The following CNTNAP4 variants were observed in gnomAD, a reference collection of about 807,000 sequenced individuals.
CNTNAP4 encodes contactin associated protein family member 4.
A neutral mutation model predicts 148.4 loss-of-function variants in CNTNAP4; 98 were observed. That is an observed-to-expected ratio of 0.66 (90% confidence interval 0.56 to 0.78). The LOEUF (loss-of-function observed/expected upper bound fraction) is 0.78. Ranked by LOEUF, CNTNAP4 falls within the 30% of genes least tolerant of loss-of-function variation. The probability of loss-of-function intolerance (pLI) is 0.00; values close to 1 mark genes in which losing one functional copy is unlikely to be tolerated. For synonymous variants in CNTNAP4, 730 were observed against 565.1 expected (o/e 1.29, Z -4.14); for missense variants, 1,935 against 1,565.6 (o/e 1.24, Z -3.98).
At chr16:76,554,829 C>G (rs1051480916) in intron 23 of CNTNAP4, among the ~76,000 whole-genome samples, 2 of 151,962 alleles carry the variant, frequency 1.3e-5, no homozygotes, top group Non-Finnish European at 2.9e-5. Flanking sequence ...ACAAACCCAG[C>G]TTGTCCATGG....
intron 12 of CNTNAP4, among the ~76,000 whole-genome samples, chr16:76,487,368 A>G (rs1446159416): frequency 6.6e-6 from 1 of 152,206 alleles, no homozygotes; most frequent in Non-Finnish European, 1.5e-5. Flanking sequence ...AACTATTGCT[A>G]TTCTCATAGA....
intron 2 of CNTNAP4, among the ~76,000 whole-genome samples, chr16:76,325,192 A>G (rs1237819749): frequency 6.6e-6 from 1 of 152,228 alleles, no homozygotes; most frequent in Non-Finnish European, 1.5e-5. Flanking sequence ...TTGTTAATGT[A>G]TATCATTCTG....
intron 17 of CNTNAP4, among the ~76,000 whole-genome samples, chr16:76,532,326 G>A (rs1027475108): frequency 2.0e-5 from 3 of 152,168 alleles, no homozygotes; most frequent in Admixed American, 2.0e-4. Flanking sequence ...CTAACGAAAT[G>A]TGTTTATTCT....
chr16:76,300,287 T>A (rs975932446), intron 1 of CNTNAP4, among the ~76,000 whole-genome samples: 4 of 152,100 alleles, frequency 2.6e-5, no homozygotes, highest in Non-Finnish European at 4.4e-5. Context: ...CCACATCATG[T>A]CCACATAGCA....
chr16:76,462,121 A>G lies in CNTNAP4; in HGVS notation c.1483+16A>G. On this transcript the variant is annotated intron_variant, in intron 9 of 23. Coordinates refer to ENST00000611870, the MANE Select transcript of CNTNAP4 (RefSeq NM_033401.5). ...TATTTTGGAGGTAAGAATAGGTGCC[A>G]GGCTCTATGAGCAACTGAACCATAT... 1 of 1,605,866 alleles carries G rather than the reference A, an allele frequency of 6.2e-7. No homozygotes were observed. Among genetic ancestry groups the G allele is most frequent in the East Asian group, 2.2e-5 (1 of 44,658 alleles).
chr16:76,485,097 G>C (rs984981016), intron 12 of CNTNAP4, among the ~76,000 whole-genome samples: 2 of 151,986 alleles, frequency 1.3e-5, no homozygotes, highest in South Asian at 2.1e-4. Context: ...GGGGCTGTCC[G>C]TATTGCTTTT....
intron 3 of CNTNAP4, among the ~76,000 whole-genome samples, chr16:76,360,145 CTT>C (rs1302829153): frequency 2.0e-5 from 3 of 152,130 alleles, no homozygotes; most frequent in Admixed American, 6.5e-5. Context: ...GTTAGTATCT[CTT>C]TGTTTTTTGT....
At chr16:76,525,140 C>G (rs538675946) in intron 17 of CNTNAP4, among the ~76,000 whole-genome samples, 15 of 151,992 alleles carry the variant, frequency 9.9e-5, no homozygotes, top group Non-Finnish European at 1.9e-4. Flanking sequence ...ATTCATTTAT[C>G]AATTTACAAC....
At chr16:76,442,040 A>T (rs931030788) in intron 4 of CNTNAP4, among the ~76,000 whole-genome samples, 6 of 152,140 alleles carry the variant, frequency 3.9e-5, no homozygotes, top group African/African-American at 1.4e-4. Context: ...CCATGGCAAA[A>T]GCGCTTTGCA....
intron 4 of CNTNAP4, among the ~76,000 whole-genome samples, chr16:76,438,042 G>T (rs2079896973): frequency 6.6e-6 from 1 of 152,134 alleles, no homozygotes; most frequent in Non-Finnish European, 1.5e-5. Flanking sequence ...TTGGAATAAG[G>T]GAAGTAAACT....
chr16:76,503,725 G>A (rs2082736872), intron 15 of CNTNAP4, among the ~76,000 whole-genome samples: 1 of 143,622 alleles, frequency 7.0e-6, no homozygotes, highest in Non-Finnish European at 1.5e-5. Context: ...TCCCCTTCCT[G>A]TGTCCAAGTG....
At chr16:76,382,042 C>G (rs186766818) in intron 3 of CNTNAP4, among the ~76,000 whole-genome samples, 7 of 107,730 alleles carry the variant, frequency 6.5e-5, no homozygotes, top group Non-Finnish European at 8.4e-5. Context: ...GCCTGGGGGA[C>G]AGAGCGAGAC....
chr16:76,470,971 C>G (rs111872762), intron 10 of CNTNAP4, among the ~76,000 whole-genome samples: 20 of 152,242 alleles, frequency 1.3e-4, no homozygotes, highest in African/African-American at 4.8e-4. Flanking sequence ...GTTTACACAA[C>G]TCACATATTA....
At chr16:76,546,397 C>T (rs970715003) in intron 21 of CNTNAP4, among the ~76,000 whole-genome samples, 1 of 152,180 alleles carries the variant, frequency 6.6e-6, no homozygotes. Flanking sequence ...GCTCTGCCTC[C>T]TGTCAGATCA....
chr16:76,298,486 ATGTGTGTGTGTGTGTGTG>A (rs3975398), intron 1 of CNTNAP4, among the ~76,000 whole-genome samples: 1 of 129,390 alleles, frequency 7.7e-6, no homozygotes, highest in East Asian at 2.4e-4. Context: ...GTGTACATGT[ATGTGTGTGTGTGTGTGTG>A]TGTGTGTGTG....
chr16:76,521,001 GA>G (rs1007838471), intron 15 of CNTNAP4, 138 bp from the exon 16 acceptor site: 5 of 742,412 alleles, frequency 6.7e-6, no homozygotes, highest in East Asian at 2.7e-5. Flanking sequence ...ATAGTTGACA[GA>G]AAAAAAGAGC....
At chr16:76,530,678 C>T (rs1568531183) in intron 17 of CNTNAP4, among the ~76,000 whole-genome samples, 1 of 152,192 alleles carries the variant, frequency 6.6e-6, no homozygotes, top group African/African-American at 2.4e-5. Flanking sequence ...CTTCCCATGA[C>T]ACTGTCACTT....
At chr16:76,553,134 A>G (rs1222467391) in intron 21 of CNTNAP4, 149 bp from the exon 22 acceptor site, 3 of 580,780 alleles carry the variant, frequency 5.2e-6, no homozygotes, top group Middle Eastern at 4.6e-4. Flanking sequence ...GGAAAGAATA[A>G]TGGATTTTTA....
At chr16:76,367,148 T>C (rs1157835048) in intron 3 of CNTNAP4, among the ~76,000 whole-genome samples, 1 of 151,926 alleles carries the variant, frequency 6.6e-6, no homozygotes, top group African/African-American at 2.4e-5. Flanking sequence ...CATTTAGGGA[T>C]TTGCATAAAA....
Sources: allele counts gnomAD v4.1 joint callset (sites outside exome capture counted in the v4.1 genomes callset), GRCh38; gene constraint gnomAD v4.1.1; transcripts MANE v1.5; gene names NCBI Gene and HGNC (gene_info 2026-07-23, HGNC 2026-07-21).